Variants in LCLAT1 observed in about 807,000 individuals in gnomAD.
LCLAT1 encodes the protein 1-AGP acyltransferase 8.
In LCLAT1, 11 loss-of-function variants were observed where a neutral mutation model predicts 30.7. The observed-to-expected ratio is 0.36, with a 90% confidence interval of 0.23 to 0.59. The LOEUF is 0.59. LCLAT1 is among the 20% of genes least tolerant of loss of function. The probability of loss-of-function intolerance (pLI) is 0.77; values close to 1 mark genes in which losing one functional copy is unlikely to be tolerated. For missense variants in LCLAT1, 402 were observed against 458.6 expected (o/e 0.88, Z 1.13); for synonymous variants, 155 against 151.3 (o/e 1.02, Z -0.18).
chr2:30,570,827 A>G (rs1216677991), intron 5 of LCLAT1, among the ~76,000 whole-genome samples: 7 of 152,214 alleles, frequency 4.6e-5, no homozygotes, highest in African/African-American at 9.6e-5. Context: ...ACGGGGGAGC[A>G]GAGCAGGAAG....
At chr2:30,638,561 G>A (rs1237415874) in intron 5 of LCLAT1, among the ~76,000 whole-genome samples, 2 of 152,206 alleles carry the variant, frequency 1.3e-5, no homozygotes, top group Non-Finnish European at 2.9e-5. Flanking sequence ...CATGGTTCAG[G>A]AGAAAGTAAC....
chr2:30,587,273 T>C (rs1030233935), intron 5 of LCLAT1, among the ~76,000 whole-genome samples: 5 of 152,250 alleles, frequency 3.3e-5, no homozygotes, highest in Non-Finnish European at 7.3e-5. Flanking sequence ...TCTTCTGTTC[T>C]CTTTTTTAAT....
chr2:30,486,482 A>C (rs931611101), intron 1 of LCLAT1, among the ~76,000 whole-genome samples: 4 of 152,170 alleles, frequency 2.6e-5, no homozygotes, highest in African/African-American at 9.7e-5. Context: ...TGCTCCCCAG[A>C]ATACAGCCAG....
intron 1 of LCLAT1, among the ~76,000 whole-genome samples, chr2:30,465,356 C>G (rs1441959704): frequency 1.3e-5 from 2 of 152,276 alleles, no homozygotes; most frequent in Admixed American, 6.5e-5. Flanking sequence ...GGAACAGATT[C>G]TCACCTGGAG....
At chr2:30,476,590 G>C (rs899992466) in intron 1 of LCLAT1, 3 of 450,042 alleles carry the variant, frequency 6.7e-6, no homozygotes, top group East Asian at 1.4e-4. Context: ...GGACCATCTA[G>C]TCTCAGGAAA....
At chr2:30,470,323 C>T (rs922420265) in intron 1 of LCLAT1, among the ~76,000 whole-genome samples, 3 of 152,112 alleles carry the variant, frequency 2.0e-5, no homozygotes, top group African/African-American at 7.2e-5. Context: ...ACAAAAAAGA[C>T]AAGTTAGAAA....
chr2:30,601,502 G>GTAT (rs1667182734), intron 5 of LCLAT1, among the ~76,000 whole-genome samples: 1 of 152,122 alleles, frequency 6.6e-6, no homozygotes. Context: ...ACACTTCAGT[G>GTAT]TATTATTTAT....
chr2:30,482,777 TA>T (rs571789425), intron 1 of LCLAT1, among the ~76,000 whole-genome samples: 326 of 136,646 alleles, frequency 2.4e-3, no homozygotes, highest in East Asian at 7.5e-3. Context: ...CTGTCCCTAT[TA>T]AAAAAAAAAA....
intron 1 of LCLAT1, chr2:30,459,764 T>G (rs829573): frequency 9.6e-6 from 13 of 1,347,856 alleles, no homozygotes; most frequent in Non-Finnish European, 1.4e-5. Flanking sequence ...GTTTTTGTCT[T>G]GCTTCATATA....
At chr2:30,524,443 C>T (rs1436002023) in intron 1 of LCLAT1, among the ~76,000 whole-genome samples, 1 of 152,200 alleles carries the variant, frequency 6.6e-6, no homozygotes, top group Admixed American at 6.5e-5. Flanking sequence ...GTAGTCCCCT[C>T]CTTAACCACA....
chr2:30,462,008 G>A (rs537408989), intron 1 of LCLAT1, among the ~76,000 whole-genome samples: 204 of 151,904 alleles, frequency 1.3e-3, no homozygotes, highest in Non-Finnish European at 2.2e-3. Context: ...TCCTGACCTC[G>A]TGATCCGCCC....
intron 1 of LCLAT1, among the ~76,000 whole-genome samples, chr2:30,521,655 C>T (rs765947835): frequency 1.2e-4 from 18 of 151,524 alleles, no homozygotes; most frequent in Admixed American, 2.6e-4. Context: ...TACAGGCACG[C>T]GCCACCATGC....
intron 5 of LCLAT1, chr2:30,605,950 A>C: frequency 8.5e-7 from 1 of 1,170,716 alleles, no homozygotes; most frequent in Non-Finnish European, 1.1e-6. Flanking sequence ...TCACTTGCAC[A>C]GTTCACAGGA....
intron 3 of LCLAT1, among the ~76,000 whole-genome samples, chr2:30,556,623 CAG>C (rs1330407628): frequency 6.6e-6 from 1 of 151,964 alleles, no homozygotes; most frequent in East Asian, 1.9e-4. Context: ...ATTAGATAAT[CAG>C]GGTATATCTC....
Position 30,600,785 on chromosome 2 carries a change from A to ATCTT in LCLAT1, c.628+32610_628+32613dup, listed in dbSNP as rs369801233. On this transcript the variant is annotated intron_variant, in intron 5 of 5. Transcript: ENST00000379509. Reference sequence around the variant, plus strand: ...GTCTATGATGTACTTCTCATGGAGTATCTTACTGGGGTTCTTGGGTTTCCT... The same window carrying ATCTT: ...GTCTATGATGTACTTCTCATGGAGTATCTTTCTTACTGGGGTTCTTGGGTTTCCT... Among the ~76,000 whole-genome samples the ATCTT allele has an allele frequency of 5.5e-4, 83 of 152,214 alleles. No homozygotes were observed. In the East Asian group the frequency reaches 0.013, roughly 24 times the overall value.
intron 5 of LCLAT1, chr2:30,606,786 T>C (rs1471356509): frequency 6.6e-6 from 1 of 152,060 alleles, no homozygotes; most frequent in African/African-American, 2.4e-5. Flanking sequence ...GAAACTATCA[T>C]CAGAGCAAAC....
At chr2:30,491,166 TAGAC>T (rs1158618971) in intron 1 of LCLAT1, among the ~76,000 whole-genome samples, 1 of 152,316 alleles carries the variant, frequency 6.6e-6, no homozygotes, top group Admixed American at 6.5e-5. Context: ...TCTGGTGAAA[TAGAC>T]AGAAGACAGT....
At chr2:30,598,069 C>T (rs545488664) in intron 5 of LCLAT1, among the ~76,000 whole-genome samples, 51 of 152,240 alleles carry the variant, frequency 3.3e-4, no homozygotes, top group African/African-American at 1.0e-3. Context: ...ATTTCTGCAT[C>T]GATATTCATC....
At chr2:30,480,612 G>C (rs879388638) in intron 1 of LCLAT1, among the ~76,000 whole-genome samples, 2 of 152,062 alleles carry the variant, frequency 1.3e-5, no homozygotes, top group African/African-American at 4.8e-5. Flanking sequence ...TTCATGCAGG[G>C]TATGATGCTT....
Sources: gnomAD v4.1 joint callset for allele counts (sites outside exome capture counted in the v4.1 genomes callset) on GRCh38, gnomAD v4.1.1 for gene constraint, MANE v1.5 for transcripts, NCBI Gene and HGNC (gene_info 2026-07-23, HGNC 2026-07-21) for gene names.